Variants in WSCD2 observed in about 807,000 individuals in gnomAD.
WSCD2 encodes the protein WSC domain sialate O sulfotransferase 2, also known as sialate:O-sulfotransferase 2.
Under a neutral mutation model 55.7 loss-of-function variants are expected in WSCD2, and 28 were observed. The observed-to-expected ratio is 0.50, with a 90% confidence interval of 0.37 to 0.69. WSCD2 has a LOEUF of 0.69. Ranked by LOEUF, WSCD2 falls within the 30% of genes least tolerant of loss-of-function variation. WSCD2 has a pLI of 0.00. For missense variants in WSCD2, 616 were observed against 762.1 expected, an observed-to-expected ratio of 0.81 and a Z score of 2.26; for synonymous variants, 301 against 301.9, an observed-to-expected ratio of 1.00 and a Z score of 0.03.
intron 1 of WSCD2, among the ~76,000 whole-genome samples, chr12:108,173,943 C>T (rs1285786713): frequency 1.3e-5 from 2 of 151,922 alleles, no homozygotes; most frequent in African/African-American, 4.8e-5. Context: ...TTGGGCCATT[C>T]TCCCCAAAGC....
At chr12:108,173,808 C>CTGTGTGTGTGTGTGTG (rs1300986533) in intron 1 of WSCD2, among the ~76,000 whole-genome samples, 1 of 100,906 alleles carries the variant, frequency 9.9e-6, no homozygotes, top group African/African-American at 4.5e-5. Flanking sequence ...ATTCCTGGCT[C>CTGTGTGTGTGTGTGTG]TCTGTGTGTG....
chr12:108,147,433 AG>A (rs1877509971), intron 1 of WSCD2, among the ~76,000 whole-genome samples: 2 of 152,032 alleles, frequency 1.3e-5, no homozygotes, highest in Admixed American at 1.3e-4. Flanking sequence ...AAGGGAATAG[AG>A]GTGTAAAATT....
At chr12:108,168,458 A>G (rs1295944802) in intron 1 of WSCD2, among the ~76,000 whole-genome samples, 1 of 152,200 alleles carries the variant, frequency 6.6e-6, no homozygotes, top group East Asian at 1.9e-4. Flanking sequence ...CTGACTGCCC[A>G]TCCCAAGACT....
intron 8 of WSCD2, among the ~76,000 whole-genome samples, chr12:108,245,990 T>C (rs762727928): frequency 6.6e-5 from 10 of 152,234 alleles, no homozygotes; most frequent in Non-Finnish European, 1.5e-4. Context: ...ACACTGCAAT[T>C]TGGCAGTTGC....
At chr12:108,244,703 C>T in intron 8 of WSCD2, 1 of 681,842 alleles carries the variant, frequency 1.5e-6, no homozygotes, top group Non-Finnish European at 2.7e-6. Flanking sequence ...AGCAGTCTGA[C>T]TGCAGAATCA....
At chr12:108,164,782 T>C (rs1192313294) in intron 1 of WSCD2, among the ~76,000 whole-genome samples, 2 of 152,152 alleles carry the variant, frequency 1.3e-5, no homozygotes, top group East Asian at 3.9e-4. Context: ...CATCTCCACA[T>C]TGTGTGGGTC....
rs191783435 is a variant in WSCD2, at chr12:108,214,277, C to G, written c.682+3972C>G. On this transcript the variant is annotated intron_variant, in intron 4 of 8. Transcript: ENST00000547525. ...AGGTTTTTATCTCCCAAGGACCATT[C>G]TGGTGGGGCATCTGCCTCGCACAGG... Among the ~76,000 whole-genome samples the G allele has an allele frequency of 1.1e-3, 166 of 152,322 alleles. 3 individuals carry two copies. The South Asian group carries it at 0.012, about 11-fold the overall frequency.
chr12:108,202,074 C>T (rs1884762678), intron 2 of WSCD2, among the ~76,000 whole-genome samples: 1 of 152,158 alleles, frequency 6.6e-6, no homozygotes, highest in Non-Finnish European at 1.5e-5. Context: ...GCTACCACAG[C>T]AGGATTTGAA....
chr12:108,219,164 C>G (rs1431486551), intron 4 of WSCD2, among the ~76,000 whole-genome samples: 1 of 152,170 alleles, frequency 6.6e-6, no homozygotes, highest in African/African-American at 2.4e-5. Context: ...ATTGTCTCCA[C>G]GTGCATAAAC....
At chr12:108,170,410 CT>C (rs1483038541) in intron 1 of WSCD2, among the ~76,000 whole-genome samples, 6 of 152,050 alleles carry the variant, frequency 3.9e-5, no homozygotes, top group Non-Finnish European at 7.4e-5. Context: ...AATATTAATG[CT>C]GCTGATGATG....
intron 1 of WSCD2, among the ~76,000 whole-genome samples, chr12:108,169,928 C>A (rs1373662864): frequency 2.6e-5 from 4 of 152,170 alleles, no homozygotes; most frequent in African/African-American, 9.7e-5. Flanking sequence ...ATTAAAGACC[C>A]AAGGGAGGTT....
At chr12:108,197,732 A>G (rs1423884185) in intron 2 of WSCD2, among the ~76,000 whole-genome samples, 1 of 151,902 alleles carries the variant, frequency 6.6e-6, no homozygotes, top group Non-Finnish European at 1.5e-5. Context: ...GAAAGCCCCA[A>G]AGTCCTCACC....
intron 1 of WSCD2, among the ~76,000 whole-genome samples, chr12:108,168,594 T>C (rs532440560): frequency 6.6e-6 from 1 of 152,344 alleles, no homozygotes; most frequent in South Asian, 2.1e-4. Flanking sequence ...AGTTTCCTTG[T>C]CTGTCAAATG....
Position 108,195,660 on chromosome 12 carries a change from A to G in WSCD2, c.-173A>G. 1 of 880,768 alleles carries G rather than the reference A, an allele frequency of 1.1e-6. No homozygotes were observed. 54.6% of individuals were successfully genotyped at this position (880,768 alleles called of 1,614,324 possible). On this transcript the variant is annotated 5_prime_UTR_variant, in exon 2 of 9. Transcript: ENST00000547525. The stretch of plus-strand genomic sequence containing the variant: ...CCATCCTTTCTCATGGCCTCAGCCA[A>G]GCATTGAACTTGCCCTCCCCTTCTG...
At chr12:108,166,414 C>T (rs1448084853) in intron 1 of WSCD2, among the ~76,000 whole-genome samples, 1 of 152,218 alleles carries the variant, frequency 6.6e-6, no homozygotes, top group Non-Finnish European at 1.5e-5. Context: ...AGGGTGTCTG[C>T]TCCTAAGCAA....
At chr12:108,199,784 G>A (rs1884428235) in intron 2 of WSCD2, among the ~76,000 whole-genome samples, 1 of 152,186 alleles carries the variant, frequency 6.6e-6, no homozygotes, top group East Asian at 1.9e-4. Context: ...ACTTGCCCAA[G>A]ATTACCCACC....
intron 1 of WSCD2, among the ~76,000 whole-genome samples, chr12:108,138,216 C>T (rs925587047): frequency 2.0e-5 from 3 of 152,164 alleles, no homozygotes; most frequent in Non-Finnish European, 4.4e-5. Flanking sequence ...GGCCAGCATG[C>T]GGGAAGACCC....
At position 108,205,988 on chromosome 12, in the gene WSCD2, T is replaced by C. The variant is rs141669400; in HGVS notation, c.383-301T>C. On this transcript the variant is annotated intron_variant, in intron 2 of 8. Transcript: ENST00000547525. ...TTAATGCAAGAAATAGGAAGCTCTG[T>C]TTGGTGCTTAGGGAGTGGCCTTGGC... is the stretch of plus-strand genomic sequence containing the variant. Among the ~76,000 whole-genome samples the C allele has an allele frequency of 2.7e-3, 405 of 152,258 alleles. 4 individuals are homozygous for C. Among genetic ancestry groups the C allele is most frequent in the African/African-American group, 9.1e-3 (378 of 41,554 alleles).
At chr12:108,211,644 T>TATAC (rs947769434) in intron 4 of WSCD2, among the ~76,000 whole-genome samples, 4 of 146,652 alleles carry the variant, frequency 2.7e-5, no homozygotes, top group Non-Finnish European at 6.0e-5. Context: ...TATATATATA[T>TATAC]ATATATACAT....
Sources: gnomAD v4.1 joint callset for allele counts (sites outside exome capture counted in the v4.1 genomes callset) on GRCh38, gnomAD v4.1.1 for gene constraint, MANE v1.5 for transcripts, NCBI Gene and HGNC (gene_info 2026-07-23, HGNC 2026-07-21) for gene names.